PHTF2: variants seen among roughly 807,000 people sequenced by gnomAD.
PHTF2 encodes protein PHTF2.
Under a neutral mutation model 101.2 loss-of-function variants are expected in PHTF2, and 60 were observed. The observed-to-expected ratio is 0.59, with a 90% CI of 0.48 to 0.73. The LOEUF (loss-of-function observed/expected upper bound fraction) is 0.73, where lower values mean the gene tolerates loss of function less well. PHTF2 is among the 30% of genes least tolerant of loss of function. The pLI, the probability that PHTF2 is intolerant of heterozygous loss-of-function variation, is 0.00. For synonymous variants in PHTF2, 311 were observed against 307.3 expected, an observed-to-expected ratio of 1.01 and a Z score of -0.13; for missense variants, 747 against 908.7, an observed-to-expected ratio of 0.82 and a Z score of 2.29.
At chr7:77,812,363 G>A (rs1436261202) in intron 1 of PHTF2, among the ~76,000 whole-genome samples, 1 of 152,126 alleles carries the variant, frequency 6.6e-6, no homozygotes, top group African/African-American at 2.4e-5. Flanking sequence ...CTCTAATGCA[G>A]TAAAATGACT....
intron 5 of PHTF2, among the ~76,000 whole-genome samples, chr7:77,894,981 C>T (rs1800757830): frequency 6.6e-6 from 1 of 151,874 alleles, no homozygotes; most frequent in Non-Finnish European, 1.5e-5. Flanking sequence ...AATGCCTTGC[C>T]AAAGAATTTA....
At chr7:77,901,221 T>C (rs1801359281) in intron 6 of PHTF2, among the ~76,000 whole-genome samples, 1 of 152,218 alleles carries the variant, frequency 6.6e-6, no homozygotes, top group Non-Finnish European at 1.5e-5. Context: ...CAATATCAGA[T>C]TTGAATGGGG....
exon 11 of PHTF2, chr7:77,922,674 G>T: frequency 6.2e-7 from 1 of 1,610,492 alleles, no homozygotes; most frequent in South Asian, 1.1e-5. Context: ...CAGTGAGGAA[G>T]GTCCTGAAAC....
intron 1 of PHTF2, among the ~76,000 whole-genome samples, chr7:77,802,655 C>T (rs544719071): frequency 6.6e-6 from 1 of 152,272 alleles, no homozygotes; most frequent in East Asian, 1.9e-4. Context: ...TTGCCTTAGC[C>T]TCCTGAGTAG....
intron 3 of PHTF2, among the ~76,000 whole-genome samples, chr7:77,882,475 T>G (rs1279787096): frequency 6.6e-6 from 1 of 152,170 alleles, no homozygotes; most frequent in Non-Finnish European, 1.5e-5. Flanking sequence ...AATAAATGAT[T>G]GGTTAAAGCA....
chr7:77,861,742 G>T (rs1170958167), intron 3 of PHTF2, among the ~76,000 whole-genome samples: 1 of 152,128 alleles, frequency 6.6e-6, no homozygotes, highest in Non-Finnish European at 1.5e-5. Flanking sequence ...GGCCAACATG[G>T]TGAAACCTCG....
intron 2 of PHTF2, among the ~76,000 whole-genome samples, chr7:77,849,781 A>T (rs1296824470): frequency 6.6e-6 from 1 of 152,120 alleles, no homozygotes; most frequent in African/African-American, 2.4e-5. Context: ...TGTAAATGGG[A>T]TTACTTTCTT....
intron 1 of PHTF2, among the ~76,000 whole-genome samples, chr7:77,825,193 G>C (rs1053729744): frequency 2.0e-5 from 3 of 152,106 alleles, no homozygotes; most frequent in African/African-American, 7.2e-5. Context: ...CAAAAAAGGG[G>C]TATCTGTAGC....
intron 3 of PHTF2, among the ~76,000 whole-genome samples, chr7:77,856,486 G>A (rs1797193639): frequency 6.6e-6 from 1 of 151,972 alleles, no homozygotes; most frequent in Non-Finnish European, 1.5e-5. Flanking sequence ...CTCCCAAGTA[G>A]CTGGGACTAC....
intron 8 of PHTF2, 138 bp downstream of exon 7, chr7:77,909,096 T>C (rs754841626): frequency 7.1e-5 from 37 of 518,432 alleles, no homozygotes; most frequent in Middle Eastern, 4.6e-4. Flanking sequence ...AGCTTCAGAA[T>C]CAATTACCAG....
chr7:77,957,303 A>C (rs1807039991), exon 20 of PHTF2: 1 of 151,926 alleles, frequency 6.6e-6, no homozygotes, highest in Non-Finnish European at 1.5e-5. Flanking sequence ...AAATTTAGTT[A>C]GATTTGGGGG....
rs1011100166 is a variant in PHTF2 at position 77,903,086 on chromosome 7, A to AT, written c.445+1175dup. On this transcript the variant is annotated intron_variant, in intron 7 of 19. Transcript: ENST00000416283. Reference sequence around the variant, plus strand: ...GAGATTATTTTATATGAACAGCTACATTTTTTTTTACCTAATGTCATAATA... The same window carrying AT: ...GAGATTATTTTATATGAACAGCTACATTTTTTTTTTACCTAATGTCATAATA... 1.5e-4 allele frequency among the ~76,000 whole-genome samples: 23 copies of AT among 151,320 alleles called. 1 individual carries two copies. Among genetic ancestry groups the AT allele is most frequent in the South Asian group, 1.0e-3 (5 of 4,800 alleles).
At chr7:77,896,422 G>C (rs1042044785) in intron 5 of PHTF2, among the ~76,000 whole-genome samples, 1 of 152,002 alleles carries the variant, frequency 6.6e-6, no homozygotes, top group African/African-American at 2.4e-5. Flanking sequence ...AATTAGCTGG[G>C]ACATACCTGC....
intron 19 of PHTF2, among the ~76,000 whole-genome samples, chr7:77,954,551 C>T (rs184875379): frequency 4.6e-4 from 68 of 147,038 alleles, no homozygotes; most frequent in African/African-American, 1.7e-3. Flanking sequence ...CATACATCTT[C>T]CAATATATGC....
intron 3 of PHTF2, among the ~76,000 whole-genome samples, chr7:77,860,805 C>T (rs1229322385): frequency 8.6e-5 from 13 of 151,952 alleles, no homozygotes; most frequent in African/African-American, 2.4e-4. Context: ...TTGACCTCCT[C>T]GGCTCAAGCA....
intron 1 of PHTF2, among the ~76,000 whole-genome samples, chr7:77,811,067 A>G (rs1238353129): frequency 1.3e-5 from 2 of 151,286 alleles, no homozygotes; most frequent in South Asian, 2.1e-4. Context: ...ATGCCCAGCT[A>G]ATTTTTGTAT....
intron 11 of PHTF2, among the ~76,000 whole-genome samples, chr7:77,926,949 C>T (rs1360801485): frequency 2.0e-5 from 3 of 151,666 alleles, no homozygotes; most frequent in Admixed American, 6.6e-5. Flanking sequence ...CTTGAGGTTG[C>T]GAATTCCAGA....
At chr7:77,867,497 A>G (rs143109647) in intron 3 of PHTF2, among the ~76,000 whole-genome samples, 44 of 152,366 alleles carry the variant, frequency 2.9e-4, no homozygotes, top group African/African-American at 9.6e-4. Flanking sequence ...TGAGAATTAA[A>G]TAAGTTAATA....
chr7:77,830,538 C>T (rs1430096511), intron 1 of PHTF2, among the ~76,000 whole-genome samples: 2 of 152,140 alleles, frequency 1.3e-5, no homozygotes, highest in African/African-American at 4.8e-5. Context: ...CATAAGAGTG[C>T]GAACCCTATT....
Sources: gnomAD v4.1 joint callset for allele counts (sites outside exome capture counted in the v4.1 genomes callset) on GRCh38, gnomAD v4.1.1 for gene constraint, MANE v1.5 for transcripts, NCBI Gene and HGNC (gene_info 2026-07-23, HGNC 2026-07-21) for gene names.